The following MTMR8 variants were observed in gnomAD, a reference collection of about 807,000 sequenced individuals.
MTMR8 encodes the protein phosphatidylinositol-3,5-bisphosphate 3-phosphatase MTMR8.
MTMR8 carries 65 observed loss-of-function variants against 39.3 expected under a neutral mutation model. The ratio of observed to expected loss-of-function variants is 1.65; its 90% CI spans 1.35 to 2.03. The LOEUF (loss-of-function observed/expected upper bound fraction) is 2.03. Among genes scored for constraint, MTMR8 ranks in the 30% most tolerant of loss-of-function variants. MTMR8 has a pLI of 0.00. For missense variants in MTMR8, 777 were observed against 538.9 expected (o/e 1.44, Z -4.37); for synonymous variants, 245 against 185.2 (o/e 1.32, Z -2.62).
At chrX:64,373,713 G>A (rs1012965240) in intron 1 of MTMR8, among the ~76,000 whole-genome samples, 1 of 110,951 alleles carries the variant, frequency 9.0e-6, no homozygotes, top group African/African-American at 3.3e-5. Context: ...CTCTAAAAGA[G>A]GAAAGGTAAC....
At chrX:64,385,279 A>T (rs1225516189) in intron 1 of MTMR8, among the ~76,000 whole-genome samples, 1 of 111,586 alleles carries the variant, frequency 9.0e-6, no homozygotes, top group Non-Finnish European at 1.9e-5. Flanking sequence ...CATTGTCCAT[A>T]TCACTATCAG....
chrX:64,328,696 G>T (rs1276491199), intron 12 of MTMR8, 76 bp downstream of exon 12: 39 of 991,756 alleles, frequency 3.9e-5, no homozygotes, highest in Non-Finnish European at 4.5e-5. Flanking sequence ...GATGGTGGCA[G>T]CTATCCAAGG....
At chrX:64,298,567 T>G (rs1281997575) in intron 12 of MTMR8, among the ~76,000 whole-genome samples, 1 of 87,298 alleles carries the variant, frequency 1.1e-5, no homozygotes, top group Non-Finnish European at 1.9e-5. Flanking sequence ...GAATACCCTT[T>G]ATTTCCTTCT....
intron 1 of MTMR8, among the ~76,000 whole-genome samples, chrX:64,366,615 A>C (rs1270083297): frequency 2.7e-5 from 3 of 112,298 alleles, no homozygotes; most frequent in Admixed American, 9.5e-5. Flanking sequence ...CAGTGTGTAG[A>C]GGGAAATGTA....
intron 8 of MTMR8, among the ~76,000 whole-genome samples, chrX:64,339,741 T>C (rs1018330983): frequency 1.8e-5 from 2 of 110,225 alleles, no homozygotes; most frequent in Non-Finnish European, 3.8e-5. Flanking sequence ...ATTTCAAATA[T>C]AGGTAGAGTG....
intron 1 of MTMR8, among the ~76,000 whole-genome samples, chrX:64,392,293 G>A (rs942252792): frequency 1.8e-5 from 2 of 112,035 alleles, no homozygotes; most frequent in Admixed American, 1.9e-4. Flanking sequence ...GGCAGAAACT[G>A]GAAATTCCCC....
intron 8 of MTMR8, among the ~76,000 whole-genome samples, chrX:64,342,223 A>T (rs1212446633): frequency 8.9e-6 from 1 of 112,827 alleles, no homozygotes; most frequent in Non-Finnish European, 1.9e-5. Flanking sequence ...ACTGTGAACA[A>T]TGGATTGTGG....
rs1010216245 is a variant in MTMR8, at chrX:64,301,201, C to T, written c.1481+27571G>A. 1.1e-3 allele frequency among the ~76,000 whole-genome samples: 121 copies of T among 110,015 alleles called. 1 individual carries two copies. The highest frequency in any genetic ancestry group is 4.0e-3 in the African/African-American group (121 of 30,246). On this transcript the variant is annotated intron_variant, in intron 12 of 13. Coordinates refer to ENST00000374852, the MANE Select transcript of MTMR8 (RefSeq NM_017677.4). Reference sequence around the variant, plus strand: ...CAACTTGGTTCCATTCTCCTCATCACTTTCAGGTACACCAATCAGACGTAG... The same window carrying T: ...CAACTTGGTTCCATTCTCCTCATCATTTTCAGGTACACCAATCAGACGTAG...
chrX:64,344,908 A>T (rs1379551628), intron 7 of MTMR8, 137 bp downstream of exon 7: 2 of 579,617 alleles, frequency 3.5e-6, no homozygotes, highest in Non-Finnish European at 5.3e-6. Context: ...GATTTGTACA[A>T]TAGTTAAACA....
intron 4 of MTMR8, among the ~76,000 whole-genome samples, chrX:64,352,843 G>T (rs61463708): frequency 1.3e-4 from 14 of 110,904 alleles, no homozygotes; most frequent in African/African-American, 4.6e-4. Flanking sequence ...TCCAGCAAAC[G>T]AATTCTCCAC....
rs755111818 is a variant in MTMR8 at position 64,286,095 on chromosome X, T to C, written c.1482-15022A>G. Among the ~76,000 whole-genome samples the C allele has an allele frequency of 4.5e-5, 5 of 110,569 alleles. No individual in the cohort carries two copies. The East Asian group carries it at 1.1e-3, about 25-fold the overall frequency. ...GACTGCCAGCAAGACTAATAAAGAA[T>C]AAAAGAGAGAAGAATCAAATAGATG... On this transcript the variant is annotated intron_variant, in intron 12 of 13. Transcript: ENST00000374852.
chrX:64,345,051 A>T lies in MTMR8; in HGVS notation c.859T>A (p.Leu287Met), dbSNP rs752005256. 8.3e-7 allele frequency: 1 copy of T among 1,210,753 alleles called. No homozygotes were observed. The highest frequency in any genetic ancestry group is 1.7e-5 in the African/African-American group (1 of 57,838). ...HVMRSSLQKL[L>M]EVCELKTPTM... ...CAAGGTGAAATCCCTGTACCTTCCA[A>T]GAGTTTCTGCAGACTGCTCCGCATT... The change falls in exon 7 of 14, where the codon TTG (leucine) becomes ATG (methionine). Residue 287 changes from leucine to methionine, a missense_variant. Transcript: ENST00000374852.
chrX:64,374,960 T>A (rs186527772), intron 1 of MTMR8, among the ~76,000 whole-genome samples: 1 of 103,905 alleles, frequency 9.6e-6, no homozygotes, highest in Non-Finnish European at 1.9e-5. Context: ...CCTTAAAGCC[T>A]CCAGAGAGAG....
At chrX:64,376,038 C>T (rs766351021) in intron 1 of MTMR8, among the ~76,000 whole-genome samples, 7 of 111,953 alleles carry the variant, frequency 6.3e-5, no homozygotes, top group Non-Finnish European at 1.3e-4. Context: ...TTCCCCTTTG[C>T]TTCCACCATT....
chrX:64,313,745 C>A (rs1476046427), intron 12 of MTMR8, among the ~76,000 whole-genome samples: 2 of 112,400 alleles, frequency 1.8e-5, no homozygotes, highest in African/African-American at 3.2e-5. Flanking sequence ...AAAGATGGAG[C>A]AATTATCTTC....
chrX:64,363,060 A>G (rs1356644911), intron 1 of MTMR8, among the ~76,000 whole-genome samples: 4 of 112,003 alleles, frequency 3.6e-5, no homozygotes, highest in Non-Finnish European at 7.5e-5. Flanking sequence ...CAAAAACTAG[A>G]CAGCTAGAAG....
chrX:64,283,148 T>C (rs1921020774), intron 12 of MTMR8, among the ~76,000 whole-genome samples: 1 of 111,924 alleles, frequency 8.9e-6, no homozygotes, highest in Non-Finnish European at 1.9e-5. Context: ...TTTCCAATGG[T>C]CACAGCAGAC....
chrX:64,328,662 C>A, intron 12 of MTMR8, 110 bp downstream of exon 12: 1 of 755,909 alleles, frequency 1.3e-6, no homozygotes, highest in Non-Finnish European at 1.8e-6. Flanking sequence ...ACAGAGTATC[C>A]TACTCCATAG....
chrX:64,351,643 A>G (rs763102332), intron 4 of MTMR8, among the ~76,000 whole-genome samples: 1 of 111,736 alleles, frequency 8.9e-6, no homozygotes, highest in Non-Finnish European at 1.9e-5. Context: ...AAACCTCTAA[A>G]GTAGGGAAGC....
Sources: allele counts gnomAD v4.1 joint callset (sites outside exome capture counted in the v4.1 genomes callset), GRCh38; gene constraint gnomAD v4.1.1; transcripts MANE v1.5; gene names NCBI Gene and HGNC (gene_info 2026-07-23, HGNC 2026-07-21).